DDX19A: variants seen among roughly 807,000 people sequenced by gnomAD.
DDX19A encodes the protein ATP-dependent RNA helicase DDX19A.
In DDX19A, 12 loss-of-function variants were observed where a neutral mutation model predicts 60.6. The observed-to-expected ratio is 0.20, with a 90% CI of 0.13 to 0.32. DDX19A has a LOEUF of 0.32. DDX19A is among the 10% of genes least tolerant of loss of function. The pLI is 1.00. For synonymous variants in DDX19A, 206 were observed against 218.2 expected, an observed-to-expected ratio of 0.94 and a Z score of 0.49; for missense variants, 337 against 600.6, an observed-to-expected ratio of 0.56 and a Z score of 4.59.
At chr16:70,347,993 A>G (rs1273423901) in intron 1 of DDX19A, 2 of 451,080 alleles carry the variant, frequency 4.4e-6, no homozygotes, top group South Asian at 1.6e-5. Context: ...CCCAGCCGGT[A>G]TGGGGATTTT....
chr16:70,355,448 T>A (rs746956042), intron 2 of DDX19A, 37 bp from the exon 3 acceptor site: 1 of 1,502,882 alleles, frequency 6.7e-7, no homozygotes, highest in Non-Finnish European at 9.3e-7. Context: ...GTTCTCATAT[T>A]TGCCTTTCTA....
At chr16:70,362,931 T>C (rs1331411851) in intron 5 of DDX19A, among the ~76,000 whole-genome samples, 3 of 150,960 alleles carry the variant, frequency 2.0e-5, no homozygotes, top group African/African-American at 7.3e-5. Flanking sequence ...GGAGGATCGC[T>C]TGAACCCAGG....
rs545280419 is a variant in DDX19A, at chr16:70,365,228, G to A, written c.604+97G>A. 2.1e-4 allele frequency: 158 copies of A among 767,240 alleles called. 3 individuals are homozygous for A. In the South Asian group the frequency reaches 2.3e-3, roughly 11 times the overall value. The allele number at this position is 767,240 out of a possible 1,614,324, so 47.5% of individuals were successfully genotyped here. A position where few individuals can be genotyped will look rare whatever the true frequency, so the allele number is the denominator to read the frequency against. ...TGACCGTATTCAACTTTCTAATTCA[G>A]TCTGACCCTGGAGCCTAACTGTGTT... On this transcript the variant is annotated intron_variant, in intron 7 of 11. Coordinates refer to ENST00000302243, the MANE Select transcript of DDX19A (RefSeq NM_018332.5).
At chr16:70,359,892 A>G (rs1964318442) in intron 4 of DDX19A, among the ~76,000 whole-genome samples, 1 of 152,068 alleles carries the variant, frequency 6.6e-6, no homozygotes, top group Non-Finnish European at 1.5e-5. Context: ...TTTTGATTAG[A>G]CCTAAGTGAA....
chr16:70,356,806 T>C (rs1392431528), intron 4 of DDX19A: 3 of 1,076,266 alleles, frequency 2.8e-6, no homozygotes, highest in Non-Finnish European at 3.7e-6. Context: ...TTCAAATTGA[T>C]TTATCATAGC....
chr16:70,359,068 C>T (rs1964298933), intron 4 of DDX19A, among the ~76,000 whole-genome samples: 1 of 152,124 alleles, frequency 6.6e-6, no homozygotes, highest in African/African-American at 2.4e-5. Flanking sequence ...ATGAATTGTC[C>T]TCTGTAAAAG....
chr16:70,357,312 C>T (rs1474519378), intron 4 of DDX19A, among the ~76,000 whole-genome samples: 22 of 134,506 alleles, frequency 1.6e-4, no homozygotes, highest in Non-Finnish European at 3.3e-4. Flanking sequence ...ATAGGGTTTA[C>T]AGTCTTACAG....
At chr16:70,358,459 T>G (rs1964279363) in intron 4 of DDX19A, among the ~76,000 whole-genome samples, 1 of 150,714 alleles carries the variant, frequency 6.6e-6, no homozygotes. Flanking sequence ...TGTGAGCCAC[T>G]GCACCTGGCC....
At position 70,372,182 on chromosome 16, in the gene DDX19A, C is replaced by A; in HGVS notation, c.*196C>A. The A allele has an allele frequency of 2.2e-6, 2 of 914,354 alleles. No individual in the cohort carries two copies. The highest frequency in any genetic ancestry group is 3.3e-6 in the Non-Finnish European group (2 of 608,096). The allele number at this position is 914,354 out of a possible 1,614,324, so 56.6% of individuals were successfully genotyped here. A position where few individuals can be genotyped will look rare whatever the true frequency, so the allele number is the denominator to read the frequency against. On this transcript the variant is annotated 3_prime_UTR_variant, in exon 12 of 12. Coordinates refer to ENST00000302243, the MANE Select transcript of DDX19A (RefSeq NM_018332.5). ...GGGGGGCAATAGAAGAAAAAATTTGCATTTTGGAAAATTGGGTCCTTTCCC... is the reference window on the plus strand; with the variant it reads ...GGGGGGCAATAGAAGAAAAAATTTGAATTTTGGAAAATTGGGTCCTTTCCC...
intron 4 of DDX19A, among the ~76,000 whole-genome samples, chr16:70,360,010 A>C (rs902765057): frequency 1.3e-5 from 2 of 151,380 alleles, no homozygotes; most frequent in East Asian, 3.9e-4. Context: ...GCCGGGCGCT[A>C]CAGCTCACGC....
At chr16:70,356,947 T>C in intron 4 of DDX19A, 1 of 1,076,054 alleles carries the variant, frequency 9.3e-7, no homozygotes, top group Non-Finnish European at 1.2e-6. Context: ...TGTTTTTTTT[T>C]TACAAAAAAA....
At position 70,370,401 on chromosome 16, in the gene DDX19A, G is replaced by GT; in HGVS notation, c.1183+17dup. 2 of 1,602,692 alleles carry GT rather than the reference G, an allele frequency of 1.2e-6. No homozygotes were observed. On this transcript the variant is annotated intron_variant, in intron 10 of 11. Transcript: ENST00000302243. ...TGTGCCCGCGGTGAGCAGAGGACGT[G>GT]TCCCACCTGGTCTGCCAGGCTCGGG... is the stretch of plus-strand genomic sequence containing the variant.
At chr16:70,361,202 G>A (rs1309693863) in intron 4 of DDX19A, among the ~76,000 whole-genome samples, 1 of 152,208 alleles carries the variant, frequency 6.6e-6, no homozygotes, top group Non-Finnish European at 1.5e-5. Flanking sequence ...TGTATTTTAT[G>A]AATTATAGAA....
intron 8 of DDX19A, 51 bp from the exon 9 acceptor site, chr16:70,366,573 C>T (rs367929194): frequency 5.2e-5 from 83 of 1,609,216 alleles, no homozygotes; most frequent in Admixed American, 2.8e-4. Flanking sequence ...GCTGTGCTTC[C>T]GTTGCTTCCC....
chr16:70,347,781 C>G (rs967453914), intron 1 of DDX19A: 2 of 213,910 alleles, frequency 9.3e-6, no homozygotes, highest in Non-Finnish European at 2.0e-5. Context: ...ACCTCCGCCT[C>G]CCGGGTTCAA....
At chr16:70,358,971 T>G (rs1218540918) in intron 4 of DDX19A, among the ~76,000 whole-genome samples, 1 of 152,238 alleles carries the variant, frequency 6.6e-6, no homozygotes, top group African/African-American at 2.4e-5. Flanking sequence ...TATGATTTCC[T>G]TAGAGTGACA....
chr16:70,347,353 C>CT (rs1963864844), intron 1 of DDX19A: 1 of 444,110 alleles, frequency 2.3e-6, no homozygotes, highest in Non-Finnish European at 4.1e-6. Flanking sequence ...TTCTGATTCT[C>CT]TTTTTCATTA....
chr16:70,357,376 T>TTG (rs1964242661), intron 4 of DDX19A, among the ~76,000 whole-genome samples: 2 of 46,506 alleles, frequency 4.3e-5, no homozygotes, highest in African/African-American at 1.3e-4. Flanking sequence ...GTTTTTTTTT[T>TTG]TTTTTTTTTT....
chr16:70,347,541 A>G (rs1219268984), intron 1 of DDX19A, among the ~76,000 whole-genome samples: 1 of 152,236 alleles, frequency 6.6e-6, no homozygotes, highest in East Asian at 1.9e-4. Flanking sequence ...ATTGATGTGT[A>G]AAGTAACGGT....
Sources: allele counts gnomAD v4.1 joint callset (sites outside exome capture counted in the v4.1 genomes callset), GRCh38; gene constraint gnomAD v4.1.1; transcripts MANE v1.5; gene names NCBI Gene and HGNC (gene_info 2026-07-23, HGNC 2026-07-21).